JAKMIP3: variants seen among roughly 807,000 people sequenced by gnomAD.
JAKMIP3 encodes Janus kinase and microtubule interacting protein 3.
In JAKMIP3, 58 loss-of-function variants were observed where a neutral mutation model predicts 118.5. The observed-to-expected ratio is 0.49, with a 90% CI of 0.40 to 0.61. The LOEUF (loss-of-function observed/expected upper bound fraction) is 0.61. JAKMIP3 is among the 20% of genes least tolerant of loss of function. The pLI, the probability that JAKMIP3 is intolerant of heterozygous loss-of-function variation, is 0.00. For missense variants in JAKMIP3, 950 were observed against 1,109.0 expected (o/e 0.86, Z 2.04); for synonymous variants, 486 against 451.2 (o/e 1.08, Z -0.98).
intron 1 of JAKMIP3, among the ~76,000 whole-genome samples, chr10:132,097,993 TTC>T (rs2134641426): frequency 2.9e-5 from 3 of 104,890 alleles, no homozygotes; most frequent in South Asian, 4.2e-4. Flanking sequence ...CCCCTTCCCC[TTC>T]CCCTTCCCCT....
At position 132,153,023 on chromosome 10, in the gene JAKMIP3, G is replaced by A; in HGVS notation, c.2073G>A (p.Lys691=). ...GGACAGTCCTGACCTTGGCCGAAAAGGTAACAGCAGCTGTGTGGACAGTCG... is the reference window on the plus strand; with the variant it reads ...GGACAGTCCTGACCTTGGCCGAAAAAGTAACAGCAGCTGTGTGGACAGTCG... ...QARTVLTLAE[K]WLQQIEETEA... The change falls in exon 17 of 24, where the codon AAG becomes AAA. Residue 691 remains lysine, a splice_region_variant and synonymous_variant. Coordinates refer to ENST00000684848, the MANE Select transcript of JAKMIP3 (RefSeq NM_001323087.2). 1.2e-6 allele frequency: 2 copies of A among 1,605,946 alleles called. No homozygotes were observed. The highest frequency in any genetic ancestry group is 1.7e-6 in the Non-Finnish European group (2 of 1,176,400).
chr10:132,133,467 C>G lies in JAKMIP3; in HGVS notation c.789C>G (p.Pro263=). The G allele has an allele frequency of 6.3e-7, 1 of 1,584,070 alleles. No individual in the cohort carries two copies. Among genetic ancestry groups the G allele is most frequent in the Non-Finnish European group, 8.6e-7 (1 of 1,165,722 alleles). Reference sequence around the variant, plus strand: ...AGGCCGACCGGCACCCGGGCAGCCCCAGACGGGAACTTCCTCATGCAGCTG... The same window carrying G: ...AGGCCGACCGGCACCCGGGCAGCCCGAGACGGGAACTTCCTCATGCAGCTG... ...VREADRHPGS[P]RRELPHAAGA... Residue 263 remains proline, a synonymous_variant, in exon 4 of 24, where the codon CCC becomes CCG. Transcript: ENST00000684848.
intron 19 of JAKMIP3, among the ~76,000 whole-genome samples, chr10:132,159,797 G>T (rs2057782523): frequency 1.2e-5 from 1 of 85,536 alleles, no homozygotes. Flanking sequence ...GTGATGCTGG[G>T]GGGCCTCTCG....
At chr10:132,056,004 C>G (rs935834278) in intron 1 of JAKMIP3, among the ~76,000 whole-genome samples, 3 of 152,216 alleles carry the variant, frequency 2.0e-5, no homozygotes, top group Admixed American at 1.3e-4. Flanking sequence ...CATGACTCCA[C>G]CTGGGGACAC....
At chr10:132,050,056 TTCTTCTTTTC>T (rs2038054133) in intron 1 of JAKMIP3, among the ~76,000 whole-genome samples, 1 of 152,198 alleles carries the variant, frequency 6.6e-6, no homozygotes, top group Non-Finnish European at 1.5e-5. Flanking sequence ...CTCTCTCTTT[TTCTTCTTTTC>T]TCTTCCTCTA....
At chr10:132,096,746 G>T (rs918925086) in intron 1 of JAKMIP3, among the ~76,000 whole-genome samples, 1 of 152,076 alleles carries the variant, frequency 6.6e-6, no homozygotes, top group African/African-American at 2.4e-5. Context: ...CATGAAATAA[G>T]AAACCAGTGT....
At chr10:132,160,406 C>T (rs1410592132) in intron 19 of JAKMIP3, among the ~76,000 whole-genome samples, 1 of 22,328 alleles carries the variant, frequency 4.5e-5, no homozygotes, top group African/African-American at 2.9e-4. Context: ...GGGGGCCTCT[C>T]CCTGTGTGAT....
Position 132,168,295 on chromosome 10 carries a change from A to G in JAKMIP3, c.*365A>G. 7.8e-7 allele frequency: 1 copy of G among 1,289,402 alleles called. No homozygotes were observed. Among genetic ancestry groups the G allele is most frequent in the East Asian group, 5.6e-5 (1 of 18,002 alleles). 79.9% of individuals were successfully genotyped at this position (1,289,402 alleles called of 1,614,324 possible). A position where few individuals can be genotyped will look rare whatever the true frequency, so the allele number is the denominator to read the frequency against. ...AGGGGTGAGAACTGCTTCTGTGCAG[A>G]AGCACCAGCCGCGGGTCCCCTCCTC... On this transcript the variant is annotated 3_prime_UTR_variant, in exon 23 of 24. Transcript: ENST00000684848.
At chr10:132,153,660 G>A (rs2056623993) in intron 17 of JAKMIP3, 99 bp from the exon 18 acceptor site, 6 of 1,163,184 alleles carry the variant, frequency 5.2e-6, no homozygotes, top group African/African-American at 1.5e-5. Context: ...AGAAGAGGAA[G>A]GAAGACCCAG....
intron 3 of JAKMIP3, among the ~76,000 whole-genome samples, chr10:132,124,035 G>A (rs888462560): frequency 1.3e-5 from 2 of 152,340 alleles, no homozygotes; most frequent in African/African-American, 2.4e-5. Flanking sequence ...AGAGGGTAAC[G>A]CCTGGCATCA....
rs1253239648 is a variant in JAKMIP3 at position 132,114,698 on chromosome 10, CAT to C, written c.136-2378_136-2377del. Reference sequence around the variant, plus strand: ...TATAGATCAATTTGGGGAAAATAAACATGTTTATAATATTGAGTCTTTGGGTT... The same window carrying C: ...TATAGATCAATTTGGGGAAAATAAACGTTTATAATATTGAGTCTTTGGGTT... On this transcript the variant is annotated intron_variant, in intron 2 of 23. Transcript: ENST00000684848. 4.6e-5 allele frequency among the ~76,000 whole-genome samples: 7 copies of C among 152,282 alleles called. No homozygotes were observed. The East Asian group carries it at 1.2e-3, about 25-fold the overall frequency.
At chr10:132,147,722 T>G (rs2054913808) in intron 13 of JAKMIP3, among the ~76,000 whole-genome samples, 1 of 152,238 alleles carries the variant, frequency 6.6e-6, no homozygotes, top group African/African-American at 2.4e-5. Context: ...GCTCCTGGCT[T>G]GTGGTATGCG....
intron 23 of JAKMIP3, among the ~76,000 whole-genome samples, chr10:132,180,959 T>C (rs975257228): frequency 2.0e-5 from 3 of 151,918 alleles, no homozygotes; most frequent in African/African-American, 7.2e-5. Flanking sequence ...ACAGTGCATT[T>C]GTGCGTATTG....
intron 21 of JAKMIP3, among the ~76,000 whole-genome samples, chr10:132,166,645 G>T (rs150947768): frequency 5.9e-4 from 90 of 152,318 alleles, no homozygotes; most frequent in African/African-American, 2.0e-3. Flanking sequence ...AGGTCTCAGC[G>T]ATGGGTTTCA....
At position 132,133,335 on chromosome 10, in the gene JAKMIP3, CAG is replaced by C; in HGVS notation, c.660_661del (p.Arg220SerfsTer28). The C allele has an allele frequency of 2.5e-6, 4 of 1,594,634 alleles. No individual in the cohort carries two copies. The Middle Eastern group carries it at 6.6e-4, about 264-fold the overall frequency. On this transcript the variant is annotated frameshift_variant, in exon 4 of 24. Coordinates refer to ENST00000684848, the MANE Select transcript of JAKMIP3 (RefSeq NM_001323087.2). Reference sequence around the variant, plus strand: ...AGATGGAGGAGATAAAATTTAAAGACAGAGCAGTCTTCGTGCTGGAGAGAGAG... The same window carrying C: ...AGATGGAGGAGATAAAATTTAAAGACAGCAGTCTTCGTGCTGGAGAGAGAG... The part of the protein sequence containing the change: ...RLMEEIKFKD[R>X]AVFVLERELG...
chr10:132,047,639 CT>C (rs1037001170), intron 1 of JAKMIP3, among the ~76,000 whole-genome samples: 10 of 87,778 alleles, frequency 1.1e-4, no homozygotes, highest in Non-Finnish European at 1.9e-4. Context: ...CCACCCCCCC[CT>C]GCGAGTTGGC....
chr10:132,122,147 G>A (rs1474849056), intron 3 of JAKMIP3, among the ~76,000 whole-genome samples: 2 of 152,206 alleles, frequency 1.3e-5, no homozygotes, highest in African/African-American at 2.4e-5. Flanking sequence ...CCCTGTCCCC[G>A]CAAAGGCCCA....
chr10:132,107,049 AT>A (rs34703494), intron 2 of JAKMIP3, among the ~76,000 whole-genome samples: 21,125 of 131,530 alleles, frequency 0.16, 1,608 homozygotes, highest in Non-Finnish European at 0.2. Context: ...ATGTCCGGCT[AT>A]TTTTTTTTTT....
chr10:132,058,977 G>T (rs1019444838), intron 1 of JAKMIP3, among the ~76,000 whole-genome samples: 11 of 152,156 alleles, frequency 7.2e-5, no homozygotes, highest in Non-Finnish European at 1.6e-4. Flanking sequence ...CTGGCTTCAC[G>T]CCACCGAGGA....
Sources: gnomAD v4.1 joint callset for allele counts (sites outside exome capture counted in the v4.1 genomes callset) on GRCh38, gnomAD v4.1.1 for gene constraint, MANE v1.5 for transcripts, NCBI Gene and HGNC (gene_info 2026-07-23, HGNC 2026-07-21) for gene names.